TRPM8: variants seen among roughly 807,000 people sequenced by gnomAD.
TRPM8 encodes TRPM8 cationic channel.
TRPM8 carries 110 observed loss-of-function variants against 133.7 expected under a neutral mutation model. The observed-to-expected ratio is 0.82, with a 90% CI of 0.70 to 0.96. The LOEUF is 0.96. TRPM8 is among the 40% of genes least tolerant of loss of function. The probability of loss-of-function intolerance (pLI) is 0.00; values close to 1 mark genes in which losing one functional copy is unlikely to be tolerated. For missense variants in TRPM8, 1,291 were observed against 1,379.5 expected (o/e 0.94, Z 1.02); for synonymous variants, 535 against 532.3 (o/e 1.01, Z -0.07).
At chr2:233,991,590 G>A (rs2885478) in intron 21 of TRPM8, among the ~76,000 whole-genome samples, 11,472 of 152,238 alleles carry the variant, frequency 0.075, 589 homozygotes, top group East Asian at 0.23. Flanking sequence ...TAGGGAATTA[G>A]CTGACAAGTT....
intron 17 of TRPM8, among the ~76,000 whole-genome samples, chr2:233,974,883 GAGAC>G: frequency 6.6e-6 from 1 of 151,562 alleles, no homozygotes; most frequent in East Asian, 1.9e-4. Context: ...GAGAGAGAGA[GAGAC>G]AGAGAGAGAG....
At chr2:233,992,062 TG>T (rs1189149670) in intron 21 of TRPM8, among the ~76,000 whole-genome samples, 4 of 152,206 alleles carry the variant, frequency 2.6e-5, no homozygotes, top group Admixed American at 1.3e-4. Flanking sequence ...GCAGATTCCT[TG>T]TTAATTTGTT....
At chr2:234,007,169 G>T (rs1338778091) in intron 23 of TRPM8, among the ~76,000 whole-genome samples, 1 of 152,156 alleles carries the variant, frequency 6.6e-6, no homozygotes, top group African/African-American at 2.4e-5. Context: ...TATCCCAATT[G>T]CCCTTCAAGG....
chr2:233,970,792 C>A (rs765569771), intron 17 of TRPM8, among the ~76,000 whole-genome samples: 2 of 152,150 alleles, frequency 1.3e-5, no homozygotes, highest in Admixed American at 6.5e-5. Context: ...AGGGAGCTGG[C>A]AGGACTTTTG....
At chr2:233,958,417 G>A (rs949507395) in intron 11 of TRPM8, among the ~76,000 whole-genome samples, 2 of 152,144 alleles carry the variant, frequency 1.3e-5, no homozygotes, top group Non-Finnish European at 2.9e-5. Context: ...GTCCTGGACT[G>A]GTGGCGGCCT....
Position 234,019,189 on chromosome 2 carries a change from A to C in TRPM8, c.*1933A>C, listed in dbSNP as rs1214102068. On this transcript the variant is annotated 3_prime_UTR_variant, in exon 26 of 26. Coordinates refer to ENST00000324695, the MANE Select transcript of TRPM8 (RefSeq NM_024080.5). ...CACAACATTCACTATGTTTGCAAGGAATTAACACAAATAAAAGATGCCTTT... is the reference window on the plus strand; with the variant it reads ...CACAACATTCACTATGTTTGCAAGGCATTAACACAAATAAAAGATGCCTTT... 6.6e-6 allele frequency: 1 copy of C among 152,212 alleles called. No homozygotes were observed. Among genetic ancestry groups the C allele is most frequent in the East Asian group, 1.9e-4 (1 of 5,196 alleles). The allele number at this position is 152,212 out of a possible 1,614,324, so 9.4% of individuals were successfully genotyped here. A position where few individuals can be genotyped will look rare whatever the true frequency, so the allele number is the denominator to read the frequency against.
intron 22 of TRPM8, among the ~76,000 whole-genome samples, chr2:234,000,193 C>A (rs959349067): frequency 5.3e-5 from 8 of 151,702 alleles, no homozygotes; most frequent in African/African-American, 1.9e-4. Context: ...TCACTGCAAC[C>A]TCCGCCTCCT....
intron 1 of TRPM8, among the ~76,000 whole-genome samples, chr2:233,922,064 T>G (rs1691423100): frequency 6.6e-6 from 1 of 152,008 alleles, no homozygotes. Context: ...CTTAACAGTC[T>G]ATTGTAAAGA....
Position 233,952,841 on chromosome 2 carries a change from T to G in TRPM8, c.1141-1076T>G, listed in dbSNP as rs149676358. On this transcript the variant is annotated intron_variant, in intron 9 of 25. Coordinates refer to ENST00000324695, the MANE Select transcript of TRPM8 (RefSeq NM_024080.5). ...TATTCATTTCCTTCTTCTTCCTTTT[T>G]ATTTCAAAGGAAAATAAAAATAACC... 3.2e-3 allele frequency among the ~76,000 whole-genome samples: 482 copies of G among 152,162 alleles called. 4 individuals are homozygous for G. Among genetic ancestry groups the G allele is most frequent in the Middle Eastern group, 0.024 (7 of 294 alleles).
At chr2:233,961,964 A>G (rs1273863143) in intron 12 of TRPM8, among the ~76,000 whole-genome samples, 1 of 152,138 alleles carries the variant, frequency 6.6e-6, no homozygotes, top group Non-Finnish European at 1.5e-5. Context: ...AGTGTGGTAT[A>G]CTTTCTGAAG....
intron 17 of TRPM8, among the ~76,000 whole-genome samples, chr2:233,973,037 C>A (rs543243596): frequency 4.3e-4 from 66 of 152,340 alleles, no homozygotes; most frequent in African/African-American, 1.5e-3. Context: ...CTCTCAGAAG[C>A]GTAAGGTAAA....
At chr2:233,951,981 C>A (rs576830976) in intron 9 of TRPM8, among the ~76,000 whole-genome samples, 73 of 152,276 alleles carry the variant, frequency 4.8e-4, no homozygotes, top group African/African-American at 1.7e-3. Context: ...ATGCATTATA[C>A]CTCTCCCACT....
chr2:233,965,675 G>A (rs1184745995), intron 14 of TRPM8, among the ~76,000 whole-genome samples: 1 of 152,094 alleles, frequency 6.6e-6, no homozygotes, highest in East Asian at 1.9e-4. Flanking sequence ...GAAAAAAGAT[G>A]TCTAATTATT....
intron 25 of TRPM8, among the ~76,000 whole-genome samples, chr2:234,015,980 AAG>A (rs1223157158): frequency 1.3e-5 from 2 of 152,230 alleles, no homozygotes; most frequent in Admixed American, 6.5e-5. Context: ...TAATAATCAG[AAG>A]AGAGTCAGAT....
intron 2 of TRPM8, among the ~76,000 whole-genome samples, chr2:233,929,286 C>T (rs887861876): frequency 2.6e-5 from 4 of 152,110 alleles, no homozygotes; most frequent in Non-Finnish European, 4.4e-5. Context: ...TTAAGACATA[C>T]GACCTATGGG....
intron 18 of TRPM8, 147 bp from the exon 19 acceptor site, chr2:233,981,627 C>A: frequency 1.5e-6 from 1 of 669,232 alleles, no homozygotes; most frequent in Non-Finnish European, 2.4e-6. Context: ...AAGATCATGG[C>A]CTCTGCTGGG....
At chr2:234,006,702 T>G in intron 22 of TRPM8, 151 bp from the exon 23 acceptor site, 1 of 564,200 alleles carries the variant, frequency 1.8e-6, no homozygotes. Flanking sequence ...TCTGATGCTG[T>G]CACTAGGAAG....
At chr2:233,941,265 C>G (rs1268852586) in intron 5 of TRPM8, among the ~76,000 whole-genome samples, 1 of 152,090 alleles carries the variant, frequency 6.6e-6, no homozygotes, top group Non-Finnish European at 1.5e-5. Flanking sequence ...TAGAAGGAAG[C>G]AATTAAAAGC....
chr2:233,980,084 G>T (rs906335469), intron 17 of TRPM8, 104 bp from the exon 18 acceptor site: 1 of 781,228 alleles, frequency 1.3e-6, no homozygotes, highest in Admixed American at 2.7e-5. Flanking sequence ...ACACGTCATT[G>T]GCTCAAAAAG....
Sources: allele counts gnomAD v4.1 joint callset (sites outside exome capture counted in the v4.1 genomes callset), GRCh38; gene constraint gnomAD v4.1.1; transcripts MANE v1.5; gene names NCBI Gene and HGNC (gene_info 2026-07-23, HGNC 2026-07-21).